Variants in PCDHB6 observed in about 807,000 individuals in gnomAD.
The protein encoded by PCDHB6 is protocadherin beta 6.
For synonymous variants in PCDHB6, 506 were observed against 459.0 expected, an observed-to-expected ratio of 1.10 and a Z score of -1.31; for missense variants, 1,137 against 1,010.1, an observed-to-expected ratio of 1.13 and a Z score of -1.70.
In PCDHB6 at chr5:141,151,844, G is replaced by C; in HGVS notation, c.1587G>C (p.Val529=). 1 of 1,612,592 alleles carries C rather than the reference G, an allele frequency of 6.2e-7. No homozygotes were observed. Among genetic ancestry groups the C allele is most frequent in the East Asian group, 2.2e-5 (1 of 44,876 alleles). The change falls in exon 1 of 1, where the codon GTG becomes GTC. Residue 529 remains valine (V), a synonymous_variant. Transcript: ENST00000231136. ...YEALQSFEFR[V]GATDRGSPAL... Reference sequence around the variant, plus strand: ...CCCTGCAGTCTTTCGAGTTCCGCGTGGGCGCCACAGACCGCGGCTCCCCGG... The same window carrying C: ...CCCTGCAGTCTTTCGAGTTCCGCGTCGGCGCCACAGACCGCGGCTCCCCGG...
In PCDHB6 at chr5:141,152,134, G is replaced by A; in HGVS notation, c.1877G>A (p.Arg626Lys). ...WAHNGEVRTA[R>K]LLSERDAAKH... Reference sequence around the variant, plus strand: ...CACAATGGCGAGGTGCGCACCGCCAGGCTGCTGAGCGAGCGAGACGCAGCC... The same window carrying A: ...CACAATGGCGAGGTGCGCACCGCCAAGCTGCTGAGCGAGCGAGACGCAGCC... The change falls in exon 1 of 1, where the codon AGG (arginine) becomes AAG (lysine). Residue 626 changes from arginine (R) to lysine (K), a missense_variant. Coordinates refer to ENST00000231136, the MANE Select transcript of PCDHB6 (RefSeq NM_018939.4). 6.2e-7 allele frequency: 1 copy of A among 1,607,610 alleles called. No homozygotes were observed. Among genetic ancestry groups the A allele is most frequent in the Non-Finnish European group, 8.5e-7 (1 of 1,179,702 alleles).
rs782479014 is a variant in PCDHB6 at position 141,152,489 on chromosome 5, C to G, written c.2232C>G (p.Ser744=). 1.2e-6 allele frequency: 2 copies of G among 1,614,090 alleles called. No individual in the cohort carries two copies. The highest frequency in any genetic ancestry group is 8.5e-7 in the Non-Finnish European group (1 of 1,180,032). ...LVDVSGTGTL[S]QSYQYKVCLT... is the part of the protein sequence containing the mutation. ...ATGTGAGCGGCACCGGGACCCTATC[C>G]CAGAGCTACCAGTACAAGGTGTGTC... is the stretch of plus-strand genomic sequence containing the variant. The change falls in exon 1 of 1, where the codon TCC becomes TCG. Residue 744 remains serine (S), a synonymous_variant. Transcript: ENST00000231136.
rs1554277693 is a variant in PCDHB6, at chr5:141,151,459, T to A, written c.1202T>A (p.Leu401Gln). ...CCTTCCGTGGAGAATTTCTACACCC[T>A]GGTAACAGAAGGCGCGCTGGACAGA... ...LRPSVENFYT[L>Q]VTEGALDRES... The change falls in exon 1 of 1, where the codon CTG becomes CAG. Residue 401 changes from leucine to glutamine, a missense_variant. Physicochemically the swap from Leu to Gln is moderately radical, Grantham distance 113. Coordinates refer to ENST00000231136, the MANE Select transcript of PCDHB6 (RefSeq NM_018939.4). The A allele has an allele frequency of 1.2e-6, 2 of 1,614,132 alleles. No individual in the cohort carries two copies. The highest frequency in any genetic ancestry group is 1.7e-6 in the Non-Finnish European group (2 of 1,180,008).
rs782644486 is a variant in PCDHB6 at position 141,152,279 on chromosome 5, G to T, written c.2022G>T (p.Ala674=). 2 of 1,608,324 alleles carry T rather than the reference G, an allele frequency of 1.2e-6. No individual in the cohort carries two copies. Among genetic ancestry groups the T allele is most frequent in the South Asian group, 1.1e-5 (1 of 91,006 alleles). The change falls in exon 1 of 1, where the codon GCG becomes GCT. Residue 674 remains alanine (A), a synonymous_variant. Transcript: ENST00000231136. ...AGCCCTACCTGCCTCTCCCTGAGGCGGCCCCGGCCCAAGCCCAGGCCGACT... is the reference window on the plus strand; with the variant it reads ...AGCCCTACCTGCCTCTCCCTGAGGCTGCCCCGGCCCAAGCCCAGGCCGACT... ...FSQPYLPLPE[A]APAQAQADSL...
rs1402981252 is a variant in PCDHB6 at position 141,152,896 on chromosome 5, T to G, written c.*254T>G. ...GCTTTTGAAATTAAATTATCTATTC[T>G]TCCCCCCCCCAAAAAAAAGTATTGT... On this transcript the variant is annotated 3_prime_UTR_variant, in exon 1 of 1. Transcript: ENST00000231136. 4.2e-6 allele frequency: 1 copy of G among 237,334 alleles called. No homozygotes were observed. The allele number at this position is 237,334 out of a possible 1,614,324, so 14.7% of individuals were successfully genotyped here.
Position 141,150,298 on chromosome 5 carries a change from C to T in PCDHB6, c.41C>T (p.Ala14Val), listed in dbSNP as rs1313002789. Residue 14 changes from alanine (A) to valine (V), a missense_variant, in exon 1 of 1, where the codon GCT becomes GTT. Physicochemically the swap from Ala to Val is moderately conservative, Grantham distance 64. Transcript: ENST00000231136. ...GTACAGAACAAGAAAAGGCAAGTGG[C>T]TTTCTTCATTTTATTGATGCTTTGG... ...TKVQNKKRQV[A>V]FFILLMLWGE... 1.2e-6 allele frequency: 2 copies of T among 1,613,468 alleles called. No individual in the cohort carries two copies. The highest frequency in any genetic ancestry group is 1.7e-6 in the Non-Finnish European group (2 of 1,179,640).
rs782758197 is a variant in PCDHB6 at position 141,150,216 on chromosome 5, G to T, written c.-42G>T. The T allele has an allele frequency of 1.4e-6, 2 of 1,459,016 alleles. No individual in the cohort carries two copies. The highest frequency in any genetic ancestry group is 1.9e-6 in the Non-Finnish European group (2 of 1,061,438). The allele number at this position is 1,459,016 out of a possible 1,614,324, so 90.4% of individuals were successfully genotyped here. ...GGTCGACGGTAGATGTGGTGATTGGGAGCTGAAAAGGATTTTTCTTCCGTA... is the reference window on the plus strand; with the variant it reads ...GGTCGACGGTAGATGTGGTGATTGGTAGCTGAAAAGGATTTTTCTTCCGTA... On this transcript the variant is annotated 5_prime_UTR_variant, in exon 1 of 1. Transcript: ENST00000231136.
rs1752812669 is a variant in PCDHB6 at position 141,150,057 on chromosome 5, G to T, written c.-201G>T. ...AAGCTCTGCAGACTCGGTGGACTCC[G>T]TTTCATCCAGAAGCCAAGTAAAAAT... is the stretch of plus-strand genomic sequence containing the variant. On this transcript the variant is annotated 5_prime_UTR_variant, in exon 1 of 1. Coordinates refer to ENST00000231136, the MANE Select transcript of PCDHB6 (RefSeq NM_018939.4). The T allele has an allele frequency of 1.8e-6, 1 of 550,948 alleles. No individual in the cohort carries two copies. The highest frequency in any genetic ancestry group is 3.3e-5 in the Admixed American group (1 of 29,900). The allele number at this position is 550,948 out of a possible 1,614,324, so 34.1% of individuals were successfully genotyped here. A position where few individuals can be genotyped will look rare whatever the true frequency, so the allele number is the denominator to read the frequency against.
rs782656243 is a variant in PCDHB6, at chr5:141,151,050, G to A, written c.793G>A (p.Ala265Thr). The A allele has an allele frequency of 1.2e-6, 2 of 1,614,256 alleles. No homozygotes were observed. The highest frequency in any genetic ancestry group is 1.7e-6 in the Non-Finnish European group (2 of 1,180,046). The part of the protein sequence containing the change: ...PLGSLVITVS[A>T]RDLDAGSFGK... The stretch of plus-strand genomic sequence containing the variant: ...CGGCTCTCTGGTTATTACCGTCTCA[G>A]CCAGAGATTTAGATGCAGGATCGTT... Residue 265 changes from alanine (A) to threonine (T), a missense_variant, in exon 1 of 1, where the codon GCC becomes ACC. By Grantham distance (58) the Ala-to-Thr change is moderately conservative. Transcript: ENST00000231136.
rs1258942858 is a variant in PCDHB6, at chr5:141,153,227, T to C, written c.*585T>C. On this transcript the variant is annotated 3_prime_UTR_variant, in exon 1 of 1. Transcript: ENST00000231136. ...CTCATGTAAGAACATGATGGTCTTT[T>C]TTTAAAAAAAAAGTCGTGCCAATTA... 6.0e-6 allele frequency: 1 copy of C among 166,412 alleles called. No homozygotes were observed. Among genetic ancestry groups the C allele is most frequent in the Admixed American group, 6.5e-5 (1 of 15,280 alleles). 10.3% of individuals were successfully genotyped at this position (166,412 alleles called of 1,614,324 possible). A position where few individuals can be genotyped will look rare whatever the true frequency, so the allele number is the denominator to read the frequency against.
At position 141,151,510 on chromosome 5, in the gene PCDHB6, C is replaced by T. The variant is rs145637479; in HGVS notation, c.1253C>T (p.Thr418Ile). The T allele has an allele frequency of 4.4e-3, 7,143 of 1,614,206 alleles. 39 individuals carry two copies. The highest frequency in any genetic ancestry group is 5.5e-3 in the South Asian group (500 of 91,084). The change falls in exon 1 of 1, where the codon ACT becomes ATT. Residue 418 changes from threonine (T) to isoleucine (I), a missense_variant. Coordinates refer to ENST00000231136, the MANE Select transcript of PCDHB6 (RefSeq NM_018939.4). Reference sequence around the variant, plus strand: ...GAGAGCAGAGCCGAGTACAACATCACTATCACGGTCACTGATTTGGGGACA... The same window carrying T: ...GAGAGCAGAGCCGAGTACAACATCATTATCACGGTCACTGATTTGGGGACA... ...DRESRAEYNI[T>I]ITVTDLGTPR...
chr5:141,151,243 GCTCT>G lies in PCDHB6; in HGVS notation c.987_990del (p.Ser330Ter), dbSNP rs1244250553. 3 of 1,614,162 alleles carry G rather than the reference GCTCT, an allele frequency of 1.9e-6. No individual in the cohort carries two copies. Among genetic ancestry groups the G allele is most frequent in the Non-Finnish European group, 2.5e-6 (3 of 1,180,038 alleles). On this transcript the variant is annotated frameshift_variant, in exon 1 of 1. Transcript: ENST00000231136. LOFTEE classifies it low-confidence loss of function (END_TRUNC). ...GATGGTGGAGGCCTATCAGGAAAAT[GCTCT>G]TTAGTCGTCAGGGTCCTGGACGTGA...
In PCDHB6 at chr5:141,151,043, C is replaced by T; in HGVS notation, c.786C>T (p.Thr262=). Residue 262 remains threonine (T), a synonymous_variant, in exon 1 of 1, where the codon ACC becomes ACT. Coordinates refer to ENST00000231136, the MANE Select transcript of PCDHB6 (RefSeq NM_018939.4). ...ACCCCCTCGGCTCTCTGGTTATTAC[C>T]GTCTCAGCCAGAGATTTAGATGCAG... is the stretch of plus-strand genomic sequence containing the variant. ...ENNPLGSLVI[T]VSARDLDAGS... is the part of the protein sequence containing the mutation. 6.2e-7 allele frequency: 1 copy of T among 1,614,230 alleles called. No individual in the cohort carries two copies. The highest frequency in any genetic ancestry group is 8.5e-7 in the Non-Finnish European group (1 of 1,180,038).
In PCDHB6 at chr5:141,151,793, T is replaced by C. The variant is rs17844437; in HGVS notation, c.1536T>C (p.Phe512=). The C allele has an allele frequency of 0.1, 162,028 of 1,613,018 alleles. 9,093 individuals are homozygous for C. The highest frequency in any genetic ancestry group is 0.13 in the Admixed American group (7,831 of 60,000). ...VSINADNGHL[F]ALRSLDYEAL... is the part of the protein sequence containing the mutation. ...TCAACGCGGACAACGGCCACCTGTTTGCCCTCAGGTCGCTGGACTACGAGG... is the reference window on the plus strand; with the variant it reads ...TCAACGCGGACAACGGCCACCTGTTCGCCCTCAGGTCGCTGGACTACGAGG... The change falls in exon 1 of 1, where the codon TTT becomes TTC. Residue 512 remains phenylalanine, a synonymous_variant. Transcript: ENST00000231136.
rs374444657 is a variant in PCDHB6 at position 141,151,881 on chromosome 5, G to T, written c.1624G>T (p.Glu542Ter). Residue 542 changes from glutamate (E) to a stop codon, truncating the protein, a stop_gained, in exon 1 of 1, where the codon GAG becomes TAG. Coordinates refer to ENST00000231136, the MANE Select transcript of PCDHB6 (RefSeq NM_018939.4). LOFTEE classifies it low-confidence loss of function (END_TRUNC). ...TDRGSPALSS[E>*]ALVRLLVLDA... ...CCGCGGCTCCCCGGCGTTGAGCAGC[G>T]AGGCGCTGGTGCGCTTGCTGGTGCT... 16 of 1,611,912 alleles carry T rather than the reference G, an allele frequency of 9.9e-6. No individual in the cohort carries two copies. Among genetic ancestry groups the T allele is most frequent in the African/African-American group, 2.7e-5 (2 of 74,854 alleles).
At position 141,150,777 on chromosome 5, in the gene PCDHB6, A is replaced by T; in HGVS notation, c.520A>T (p.Asn174Tyr). The T allele has an allele frequency of 6.2e-7, 1 of 1,614,198 alleles. No individual in the cohort carries two copies. The highest frequency in any genetic ancestry group is 8.5e-7 in the Non-Finnish European group (1 of 1,180,022). ...CCTTCAGAGGTACACAATCAGCTCC[A>T]ACCCTCACTTCCACGTTCTCACCCG... ...NGLQRYTISS[N>Y]PHFHVLTRNR... Residue 174 changes from asparagine to tyrosine, a missense_variant, in exon 1 of 1, where the codon AAC becomes TAC. Coordinates refer to ENST00000231136, the MANE Select transcript of PCDHB6 (RefSeq NM_018939.4).
chr5:141,151,569 C>T lies in PCDHB6; in HGVS notation c.1312C>T (p.Gln438Ter). Residue 438 changes from glutamine to a stop codon, truncating the protein, a stop_gained, in exon 1 of 1, where the codon CAG becomes TAG. Coordinates refer to ENST00000231136, the MANE Select transcript of PCDHB6 (RefSeq NM_018939.4). LOFTEE classifies it low-confidence loss of function (END_TRUNC). ...RLKTQQSITV[Q>*]VSDVNDNAPA... ...GAAAACCCAGCAGAGCATAACTGTG[C>T]AGGTCTCCGACGTCAATGACAACGC... 1.2e-6 allele frequency: 2 copies of T among 1,614,102 alleles called. No individual in the cohort carries two copies. The highest frequency in any genetic ancestry group is 1.7e-6 in the Non-Finnish European group (2 of 1,180,024).
In PCDHB6 at chr5:141,151,902, G is replaced by C; in HGVS notation, c.1645G>C (p.Val549Leu). Residue 549 changes from valine (V) to leucine (L), a missense_variant, in exon 1 of 1, where the codon GTG becomes CTG. Transcript: ENST00000231136. Reference protein sequence around the residue: ...LSSEALVRLLVLDANDNSPFV... With the variant: ...LSSEALVRLLLLDANDNSPFV... Reference sequence around the variant, plus strand: ...CAGCGAGGCGCTGGTGCGCTTGCTGGTGCTGGACGCCAACGACAACTCGCC... The same window carrying C: ...CAGCGAGGCGCTGGTGCGCTTGCTGCTGCTGGACGCCAACGACAACTCGCC... 2 of 1,611,156 alleles carry C rather than the reference G, an allele frequency of 1.2e-6. No homozygotes were observed. Among genetic ancestry groups the C allele is most frequent in the Non-Finnish European group, 1.7e-6 (2 of 1,179,766 alleles).
In PCDHB6 at chr5:141,151,681, A is replaced by T. The variant is rs1554277781; in HGVS notation, c.1424A>T (p.Asp475Val). 1 of 1,613,260 alleles carries T rather than the reference A, an allele frequency of 6.2e-7. No homozygotes were observed. ...ALHIGSVSAT[D>V]RDSGINAQVT... ...CACATCGGCAGCGTCAGCGCCACAGACAGAGACTCAGGCATCAACGCCCAG... is the reference window on the plus strand; with the variant it reads ...CACATCGGCAGCGTCAGCGCCACAGTCAGAGACTCAGGCATCAACGCCCAG... The change falls in exon 1 of 1, where the codon GAC becomes GTC. Residue 475 changes from aspartate (D) to valine (V), a missense_variant. By Grantham distance (152) the Asp-to-Val change is radical (BLOSUM62 -3). Coordinates refer to ENST00000231136, the MANE Select transcript of PCDHB6 (RefSeq NM_018939.4).
Sources: gnomAD v4.1 joint callset for allele counts on GRCh38, gnomAD v4.1.1 for gene constraint, MANE v1.5 for transcripts, NCBI Gene and HGNC (gene_info 2026-07-23, HGNC 2026-07-21) for gene names.